ASAP1: variants seen among roughly 807,000 people sequenced by gnomAD.
ASAP1 encodes the protein ArfGAP with SH3 domain, ankyrin repeat and PH domain 1, also known as arf-GAP with SH3 domain, ANK repeat and PH domain-containing protein 1.
A neutral mutation model predicts 145.2 loss-of-function variants in ASAP1; 43 were observed. The observed-to-expected ratio is 0.30, with a 90% CI of 0.23 to 0.38. The LOEUF (loss-of-function observed/expected upper bound fraction) is 0.38, where lower values mean the gene tolerates loss of function less well. Among genes scored for constraint, ASAP1 ranks in the 10% least tolerant of loss-of-function variants. The pLI is 1.00. For synonymous variants in ASAP1, 546 were observed against 515.5 expected (o/e 1.06, Z -0.80); for missense variants, 1,018 against 1,355.3 (o/e 0.75, Z 3.91).
At chr8:130,106,279 T>C (rs2097536672) in intron 24 of ASAP1, among the ~76,000 whole-genome samples, 1 of 152,202 alleles carries the variant, frequency 6.6e-6, no homozygotes, top group South Asian at 2.1e-4. Context: ...CTAATGACTG[T>C]CTTCCCATGA....
At chr8:130,397,611 T>C (rs1828593431) in intron 2 of ASAP1, among the ~76,000 whole-genome samples, 1 of 152,234 alleles carries the variant, frequency 6.6e-6, no homozygotes, top group Non-Finnish European at 1.5e-5. Flanking sequence ...CAAGAAAAGC[T>C]GACCCCTTCT....
rs914372942 is a variant in ASAP1, at chr8:130,358,773, A to T, written c.60-630T>A. On this transcript the variant is annotated intron_variant, in intron 2 of 29. Coordinates refer to ENST00000518721, the MANE Select transcript of ASAP1 (RefSeq NM_018482.4). This position sits in a 1 kb window ranked among gnomAD's most constrained non-coding sequence, Gnocchi z 4.1. ...CCCCGCCCCGCCCCCGCTCGCGCAC[A>T]GCCCCTGGGGCCTGGCTCCGAAGCT... 2.3e-5 allele frequency among the ~76,000 whole-genome samples: 3 copies of T among 128,104 alleles called. No individual in the cohort carries two copies. Among genetic ancestry groups the T allele is most frequent in the Non-Finnish European group, 4.9e-5 (3 of 61,390 alleles). The allele number at this position is 128,104 out of a possible 152,430, so 84.0% of individuals were successfully genotyped here.
chr8:130,272,016 C>T (rs1382276481), intron 3 of ASAP1, among the ~76,000 whole-genome samples: 1 of 151,978 alleles, frequency 6.6e-6, no homozygotes, highest in Non-Finnish European at 1.5e-5. Context: ...AAAAGACTTA[C>T]TGTCACTAAA....
chr8:130,108,515 T>C (rs1007800758), intron 24 of ASAP1, among the ~76,000 whole-genome samples: 1 of 152,146 alleles, frequency 6.6e-6, no homozygotes, highest in African/African-American at 2.4e-5. Flanking sequence ...TTTAACAGGC[T>C]TGGCCGGGTG....
chr8:130,357,932 C>T (rs960784045), intron 3 of ASAP1, 85 bp downstream of exon 3: 121 of 1,498,390 alleles, frequency 8.1e-5, no homozygotes, highest in Admixed American at 1.6e-4. Flanking sequence ...CCCCGCGTCC[C>T]CTTCCTCCCA....
chr8:130,215,190 G>A (rs1308609723), intron 4 of ASAP1, among the ~76,000 whole-genome samples: 2 of 152,010 alleles, frequency 1.3e-5, no homozygotes, highest in East Asian at 1.9e-4. Context: ...GTGAGCCACC[G>A]CACCTCGCCT....
intron 3 of ASAP1, 87 bp from the exon 4 acceptor site, chr8:130,237,081 T>C (rs1565121951): frequency 1.0e-6 from 1 of 1,004,386 alleles, no homozygotes; most frequent in Non-Finnish European, 1.4e-6. Context: ...ATTGCATTTG[T>C]TTTCCTGAGT....
chr8:130,366,886 C>CTTTTTTTTTTTTTTT (rs905755447), intron 2 of ASAP1, among the ~76,000 whole-genome samples: 10 of 99,194 alleles, frequency 1.0e-4, no homozygotes, highest in East Asian at 8.4e-4. Context: ...TGCTAGATTC[C>CTTTTTTTTTTTTTTT]TTTTTTTTTT....
chr8:130,093,159 A>G (rs1302111531), intron 24 of ASAP1, among the ~76,000 whole-genome samples: 1 of 152,166 alleles, frequency 6.6e-6, no homozygotes, highest in Admixed American at 6.5e-5. Flanking sequence ...AGCAGGAATG[A>G]TAGTAATATT....
chr8:130,169,105 A>T (rs77151344), intron 9 of ASAP1, 38 bp from the exon 10 acceptor site: 83 of 1,225,860 alleles, frequency 6.8e-5, no homozygotes, highest in East Asian at 1.9e-4. Flanking sequence ...CACCAGTATA[A>T]AAAAAAAAGA....
intron 11 of ASAP1, among the ~76,000 whole-genome samples, chr8:130,166,479 T>C (rs951751088): frequency 2.0e-5 from 3 of 152,158 alleles, no homozygotes; most frequent in Non-Finnish European, 4.4e-5. Context: ...CATTTCTGAC[T>C]CCTCCACCCA....
chr8:130,415,091 G>T (rs1055455210), intron 1 of ASAP1, among the ~76,000 whole-genome samples: 6 of 152,242 alleles, frequency 3.9e-5, no homozygotes, highest in African/African-American at 1.4e-4. Context: ...CTAGTGCACA[G>T]CAGGTGCTCA....
intron 2 of ASAP1, among the ~76,000 whole-genome samples, chr8:130,394,697 A>G (rs141129995): frequency 6.6e-6 from 1 of 152,116 alleles, no homozygotes; most frequent in Non-Finnish European, 1.5e-5. Context: ...ATGTCTCCCC[A>G]GGACACCCAG....
chr8:130,164,783 A>G (rs539622272), intron 11 of ASAP1, among the ~76,000 whole-genome samples: 1 of 152,318 alleles, frequency 6.6e-6, no homozygotes, highest in African/African-American at 2.4e-5. Context: ...AATTCTTGGA[A>G]CTTCCTTTAA....
chr8:130,127,990 C>G lies in ASAP1; in HGVS notation c.1318G>C (p.Ala440Pro). ...GENSLEDLTK[A>P]IIEDVQRLPG... ...AGCCGCTGGACATCCTCAATAATGG[C>G]TTTTGTCAGGTCTTCCAGGCTGTTC... The change falls in exon 16 of 30, where the codon GCC becomes CCC. Residue 440 changes from alanine to proline, a missense_variant. This residue lies in a region of ASAP1 where 153 missense variants were observed against 221.6 expected (regional missense o/e 0.69). Coordinates refer to ENST00000518721, the MANE Select transcript of ASAP1 (RefSeq NM_018482.4). 6.2e-7 allele frequency: 1 copy of G among 1,614,098 alleles called. No individual in the cohort carries two copies. The highest frequency in any genetic ancestry group is 8.5e-7 in the Non-Finnish European group (1 of 1,180,024).
intron 9 of ASAP1, among the ~76,000 whole-genome samples, chr8:130,174,163 C>T (rs1222637934): frequency 1.3e-5 from 2 of 148,962 alleles, no homozygotes; most frequent in Non-Finnish European, 3.0e-5. Context: ...TGGCTCTAAA[C>T]CTTACTATAC....
chr8:130,185,822 T>G (rs1237617935), intron 7 of ASAP1, among the ~76,000 whole-genome samples: 1 of 151,750 alleles, frequency 6.6e-6, no homozygotes, highest in Non-Finnish European at 1.5e-5. Flanking sequence ...GAAGAGCACC[T>G]GTACCATCTT....
At chr8:130,279,776 G>A (rs1821144950) in intron 3 of ASAP1, among the ~76,000 whole-genome samples, 1 of 152,186 alleles carries the variant, frequency 6.6e-6, no homozygotes. Context: ...TGAAGGCAGG[G>A]AGGAAAGAAC....
intron 4 of ASAP1, among the ~76,000 whole-genome samples, chr8:130,220,982 C>T (rs1817259718): frequency 6.6e-6 from 1 of 152,010 alleles, no homozygotes; most frequent in Admixed American, 6.6e-5. Context: ...GAGGTCCCTC[C>T]CCCAACATGT....
Sources: gnomAD v4.1 joint callset for allele counts (sites outside exome capture counted in the v4.1 genomes callset) on GRCh38, gnomAD v4.1.1 for gene constraint, gnomAD v4.1.1 regional missense constraint, Gnocchi (gnomAD v3.1) non-coding constraint, MANE v1.5 for transcripts, NCBI Gene and HGNC (gene_info 2026-07-23, HGNC 2026-07-21) for gene names.